The following DPF2 variants were observed in gnomAD, a reference collection of about 807,000 sequenced individuals.
DPF2 encodes the protein zinc finger protein ubi-d4.
In DPF2, 10 loss-of-function variants were observed where a neutral mutation model predicts 59.6. The ratio of observed to expected loss-of-function variants is 0.17; its 90% confidence interval spans 0.10 to 0.28. DPF2 has a LOEUF of 0.28. Among genes scored for constraint, DPF2 ranks in the 10% least tolerant of loss-of-function variants. The pLI is 1.00. For synonymous variants in DPF2, 189 were observed against 190.6 expected, an observed-to-expected ratio of 0.99 and a Z score of 0.07; for missense variants, 315 against 509.4, an observed-to-expected ratio of 0.62 and a Z score of 3.67.
At chr11:65,337,527 A>C (rs966341041) in intron 1 of DPF2, among the ~76,000 whole-genome samples, 2 of 137,092 alleles carry the variant, frequency 1.5e-5, no homozygotes, top group Middle Eastern at 3.4e-3. Flanking sequence ...AGAGAGAGAG[A>C]GAGAGAGAGA....
rs1413119203 is a variant in DPF2, at chr11:65,352,656, A to G, written c.*897A>G. ...CCTGGGCATTCAGCCTCCTGCTCTT[A>G]ACTGAATTGGGAGCCTCTGCCACCT... On this transcript the variant is annotated 3_prime_UTR_variant, in exon 11 of 11. Transcript: ENST00000528416. The G allele has an allele frequency of 2.0e-5, 3 of 152,558 alleles. No homozygotes were observed. The highest frequency in any genetic ancestry group is 6.5e-5 in the Admixed American group (1 of 15,268). 9.5% of individuals were successfully genotyped at this position (152,558 alleles called of 1,614,324 possible).
At chr11:65,336,686 C>T (rs543047516) in intron 1 of DPF2, among the ~76,000 whole-genome samples, 29 of 135,200 alleles carry the variant, frequency 2.1e-4, no homozygotes, top group East Asian at 2.2e-4. Flanking sequence ...CTACTCAGGA[C>T]GCTGAGGGAA....
chr11:65,338,870 TG>T (rs1368505050), intron 1 of DPF2, among the ~76,000 whole-genome samples: 15 of 152,252 alleles, frequency 9.9e-5, no homozygotes, highest in Non-Finnish European at 2.1e-4. Flanking sequence ...AGACTTAATC[TG>T]TTTGCTGTCT....
chr11:65,342,662 T>C (rs528311424), intron 4 of DPF2, among the ~76,000 whole-genome samples: 1 of 152,256 alleles, frequency 6.6e-6, no homozygotes, highest in African/African-American at 2.4e-5. Context: ...TGTACAACCT[T>C]ATGGGGTAGG....
intron 4 of DPF2, 183 bp downstream of exon 4, chr11:65,341,745 A>T: frequency 1.4e-6 from 1 of 703,780 alleles, no homozygotes. Flanking sequence ...GTTGCTTCTA[A>T]CTATAGACTC....
intron 4 of DPF2, among the ~76,000 whole-genome samples, chr11:65,342,874 C>T (rs1241539529): frequency 6.7e-6 from 1 of 149,928 alleles, no homozygotes; most frequent in African/African-American, 2.5e-5. Flanking sequence ...ATTAGCCAGG[C>T]GTGGTGGTGG....
intron 2 of DPF2, 148 bp downstream of exon 2, chr11:65,340,693 G>A (rs2137691802): frequency 3.3e-6 from 4 of 1,213,166 alleles, no homozygotes; most frequent in Admixed American, 2.8e-5. Context: ...GAAACCCAGG[G>A]AGGATGAAGC....
At position 65,341,125 on chromosome 11, in the gene DPF2, C is replaced by T. The variant is rs1318057655; in HGVS notation, c.301+52C>T. The T allele has an allele frequency of 3.2e-6, 5 of 1,562,104 alleles. No homozygotes were observed. In the Admixed American group the frequency reaches 6.7e-5, roughly 21 times the overall value. ...GCGTGGCCTGCTGCATGGTGAGAGC[C>T]TGCTAATCACTGTGATATACCAGGC... is the stretch of plus-strand genomic sequence containing the variant. On this transcript the variant is annotated intron_variant, in intron 3 of 10. Transcript: ENST00000528416.
At chr11:65,334,501 G>C (rs1207370806) in intron 1 of DPF2, among the ~76,000 whole-genome samples, 1 of 152,244 alleles carries the variant, frequency 6.6e-6, no homozygotes, top group Non-Finnish European at 1.5e-5. Context: ...AGGAACTTCA[G>C]GGGAGTGGGC....
chr11:65,337,797 TG>T (rs1427264584), intron 1 of DPF2, among the ~76,000 whole-genome samples: 2 of 151,906 alleles, frequency 1.3e-5, no homozygotes, highest in Admixed American at 6.6e-5. Context: ...TTGTTTGTTT[TG>T]TTTTTTTTAA....
Position 65,344,774 on chromosome 11 carries a change from TC to T in DPF2, c.637+707del. The T allele has an allele frequency of 3.7e-6, 3 of 802,284 alleles. 1 individual carries two copies. In the South Asian group the frequency reaches 5.4e-5, roughly 14 times the overall value. The allele number at this position is 802,284 out of a possible 1,614,324, so 49.7% of individuals were successfully genotyped here. A position where few individuals can be genotyped will look rare whatever the true frequency, so the allele number is the denominator to read the frequency against. ...CAGTGGAATTTCTGCTGTGCTCTAC[TC>T]CTCAAAGTCCTGAAGGCTGCCTTTA... On this transcript the variant is annotated intron_variant, in intron 6 of 10. Coordinates refer to ENST00000528416, the MANE Select transcript of DPF2 (RefSeq NM_006268.5).
chr11:65,348,767 C>T (rs1163550875), intron 9 of DPF2, 83 bp from the exon 10 acceptor site: 2 of 1,400,286 alleles, frequency 1.4e-6, no homozygotes, highest in African/African-American at 1.4e-5. Flanking sequence ...CTACCTACCC[C>T]TCTTGGAAAT....
rs200766161 is a variant in DPF2 at position 65,333,880 on chromosome 11, A to T, written c.-7A>T. 1 of 1,613,926 alleles carries T rather than the reference A, an allele frequency of 6.2e-7. No homozygotes were observed. Among genetic ancestry groups the T allele is most frequent in the Non-Finnish European group, 8.5e-7 (1 of 1,179,944 alleles). ...GCTTCTCGGCCCGAGGCAGAGGAACAGGGAAGATGGCGGCTGTGGTGGAGA... is the reference window on the plus strand; with the variant it reads ...GCTTCTCGGCCCGAGGCAGAGGAACTGGGAAGATGGCGGCTGTGGTGGAGA... On this transcript the variant is annotated 5_prime_UTR_variant, in exon 1 of 11. Transcript: ENST00000528416.
At position 65,351,773 on chromosome 11, in the gene DPF2, C is replaced by T. The variant is rs1854703869; in HGVS notation, c.*14C>T. The T allele has an allele frequency of 5.0e-6, 8 of 1,612,112 alleles. No individual in the cohort carries two copies. Among genetic ancestry groups the T allele is most frequent in the African/African-American group, 2.7e-5 (2 of 74,996 alleles). On this transcript the variant is annotated 3_prime_UTR_variant, in exon 11 of 11. Transcript: ENST00000528416. ...AACTCCTCTTGATGTGGCCACCCAC[C>T]TGCTCCCCGACATATCTAAGGCTGT...
intron 2 of DPF2, 22 bp downstream of exon 2, chr11:65,340,567 A>G (rs1462597815): frequency 1.2e-6 from 2 of 1,613,272 alleles, no homozygotes; most frequent in Non-Finnish European, 1.7e-6. Flanking sequence ...GACTTGGGAG[A>G]AGGGGACTCA....
intron 10 of DPF2, among the ~76,000 whole-genome samples, chr11:65,351,356 G>A (rs1854691949): frequency 6.6e-6 from 1 of 152,140 alleles, no homozygotes; most frequent in Non-Finnish European, 1.5e-5. Flanking sequence ...TTAAAACTGA[G>A]GTGCTTGACA....
intron 9 of DPF2, chr11:65,347,804 C>G (rs905338715): frequency 1.3e-5 from 2 of 152,096 alleles, no homozygotes; most frequent in Admixed American, 1.3e-4. Flanking sequence ...TACAGGCGCC[C>G]GCCACCACGC....
chr11:65,348,611 G>GAC, intron 9 of DPF2: 1 of 239,458 alleles, frequency 4.2e-6, no homozygotes, highest in Non-Finnish European at 7.4e-6. Flanking sequence ...GGGCTTTAGG[G>GAC]AAAAAAAAAA....
intron 4 of DPF2, 87 bp downstream of exon 4, chr11:65,341,649 C>T: frequency 2.6e-6 from 4 of 1,562,716 alleles, no homozygotes; most frequent in Non-Finnish European, 3.5e-6. Flanking sequence ...AGAACTGAAA[C>T]AGAAGCTGGA....
Sources: allele counts gnomAD v4.1 joint callset (sites outside exome capture counted in the v4.1 genomes callset), GRCh38; gene constraint gnomAD v4.1.1; transcripts MANE v1.5; gene names NCBI Gene and HGNC (gene_info 2026-07-23, HGNC 2026-07-21).